NEB: variants seen among roughly 807,000 people sequenced by gnomAD.
NEB encodes the protein nebulin, also known as nemaline myopathy type 2.
NEB carries 512 observed loss-of-function variants against 952.2 expected under a neutral mutation model. The ratio of observed to expected loss-of-function variants is 0.54; its 90% CI spans 0.50 to 0.58. NEB has a LOEUF of 0.58. NEB is among the 20% of genes least tolerant of loss of function. The pLI is 0.00. For synonymous variants in NEB, 2,900 were observed against 3,149.8 expected, an observed-to-expected ratio of 0.92 and a Z score of 2.66; for missense variants, 8,428 against 9,231.1, an observed-to-expected ratio of 0.91 and a Z score of 3.56.
chr2:151,535,860 G>T, intron 141 of NEB, 65 bp from the exon 142 acceptor site: 1 of 823,998 alleles, frequency 1.2e-6, no homozygotes, highest in Non-Finnish European at 1.9e-6. Context: ...GAGACATGCT[G>T]TTTATCATAT....
chr2:151,568,480 C>A (rs1373824422), intron 111 of NEB, 63 bp from the exon 112 acceptor site: 3 of 1,511,444 alleles, frequency 2.0e-6, no homozygotes, highest in Non-Finnish European at 1.8e-6. Context: ...TCATGTTGTC[C>A]AAGCAATTGT....
intron 18 of NEB, among the ~76,000 whole-genome samples, chr2:151,695,288 T>C (rs1485713100): frequency 6.6e-6 from 1 of 152,138 alleles, no homozygotes; most frequent in East Asian, 1.9e-4. Context: ...GGCTAAAAGA[T>C]CTACCATTAA....
Position 151,518,313 on chromosome 2 carries a change from C to T in NEB, c.22800+5G>A. On this transcript the variant is annotated splice_donor_5th_base_variant and intron_variant, in intron 156 of 181. Coordinates refer to ENST00000397345, the MANE Select transcript of NEB (RefSeq NM_001164508.2). Reference sequence around the variant, plus strand: ...CAGAGGAAAAATCGGTCTTGATCCACTTACTATACTCTGTAATTCTGTGGC... The same window carrying T: ...CAGAGGAAAAATCGGTCTTGATCCATTTACTATACTCTGTAATTCTGTGGC... 6.3e-7 allele frequency: 1 copy of T among 1,586,904 alleles called. No individual in the cohort carries two copies. The highest frequency in any genetic ancestry group is 8.7e-7 in the Non-Finnish European group (1 of 1,155,310).
At chr2:151,711,166 C>T (rs1014026657) in intron 10 of NEB, among the ~76,000 whole-genome samples, 2 of 152,166 alleles carry the variant, frequency 1.3e-5, no homozygotes, top group South Asian at 4.1e-4. Flanking sequence ...GAACCCAACA[C>T]AAAATGCAGC....
chr2:151,730,523 C>A (rs2099803933), intron 3 of NEB, among the ~76,000 whole-genome samples: 1 of 151,114 alleles, frequency 6.6e-6, no homozygotes, highest in South Asian at 2.1e-4. Flanking sequence ...CTTAGCCTCA[C>A]CCTGCTCTGT....
At chr2:151,534,344 T>TA in intron 142 of NEB, 1 of 1,585,842 alleles carries the variant, frequency 6.3e-7, no homozygotes. Context: ...TAGCATATTA[T>TA]AGCAAGAGTA....
At chr2:151,680,707 A>T (rs1431791622) in intron 30 of NEB, 23 bp downstream of exon 30, 1 of 1,425,542 alleles carries the variant, frequency 7.0e-7, no homozygotes. Flanking sequence ...ATCTATTAAC[A>T]TATAGATAGC....
At chr2:151,631,438 G>C in intron 65 of NEB, 92 bp from the exon 66 acceptor site, 2 of 1,356,602 alleles carry the variant, frequency 1.5e-6, no homozygotes, top group African/African-American at 1.5e-5. Context: ...GTGCAATTCT[G>C]TTTTCTATTC....
intron 71 of NEB, among the ~76,000 whole-genome samples, chr2:151,622,296 T>A (rs1309050235): frequency 6.6e-6 from 1 of 152,210 alleles, no homozygotes; most frequent in Non-Finnish European, 1.5e-5. Flanking sequence ...CCATGTTTGG[T>A]AAAGTTTCGT....
intron 57 of NEB, 127 bp from the exon 58 acceptor site, chr2:151,643,480 A>G (rs1004537166): frequency 2.7e-5 from 23 of 856,322 alleles, no homozygotes; most frequent in Non-Finnish European, 3.7e-5. Flanking sequence ...TAATACTTGA[A>G]TTATTAGAAA....
intron 45 of NEB, among the ~76,000 whole-genome samples, chr2:151,662,684 C>T (rs920495657): frequency 1.3e-5 from 2 of 152,184 alleles, no homozygotes; most frequent in Non-Finnish European, 1.5e-5. Flanking sequence ...AGAAAAGCAA[C>T]TATGCTGACC....
intron 163 of NEB, 130 bp downstream of exon 163, chr2:151,506,779 C>A: frequency 1.5e-6 from 1 of 648,912 alleles, no homozygotes; most frequent in Non-Finnish European, 2.7e-6. Flanking sequence ...GGGATTTTAG[C>A]AAATCACTGC....
intron 36 of NEB, among the ~76,000 whole-genome samples, chr2:151,673,253 T>A (rs998543927): frequency 6.6e-6 from 1 of 152,210 alleles, no homozygotes; most frequent in Non-Finnish European, 1.5e-5. Context: ...AGCAATGTGA[T>A]ATAAATTGGA....
chr2:151,724,283 T>C lies in NEB; in HGVS notation c.589A>G (p.Lys197Glu). The C allele has an allele frequency of 6.2e-7, 1 of 1,613,072 alleles. No individual in the cohort carries two copies. The highest frequency in any genetic ancestry group is 1.1e-5 in the South Asian group (1 of 90,806). The stretch of plus-strand genomic sequence containing the variant: ...ACCTTGCTGAACATGGCGGTGTTCT[T>C]AACGGCCTGGACAAGTTCAGGGGCA... The part of the protein sequence containing the change: ...PDAPELVQAV[K>E]NTAMFSKKLY... Residue 197 changes from lysine to glutamate, a missense_variant, in exon 8 of 182, where the codon AAG (lysine) becomes GAG (glutamate). Around this residue, in one of 11 missense-constraint regions of NEB, gnomAD observed 2,851 missense variants for 2,791.5 expected, o/e 1.02. Coordinates refer to ENST00000397345, the MANE Select transcript of NEB (RefSeq NM_001164508.2).
Position 151,570,092 on chromosome 2 carries a change from G to C in NEB, c.17419C>G (p.Leu5807Val). The C allele has an allele frequency of 6.2e-7, 1 of 1,608,270 alleles. No individual in the cohort carries two copies. The highest frequency in any genetic ancestry group is 8.5e-7 in the Non-Finnish European group (1 of 1,177,310). The change falls in exon 109 of 182, where the codon CTG (leucine) becomes GTG (valine). Residue 5807 changes from leucine to valine, a missense_variant. By Grantham distance (32) the Leu-to-Val change is conservative (BLOSUM62 1). Coordinates refer to ENST00000397345, the MANE Select transcript of NEB (RefSeq NM_001164508.2). ...DVIQAKKAYELQSDNVYKADL... is the reference protein window; with the variant it reads ...DVIQAKKAYEVQSDNVYKADL... ...TGCAGCCCACTCACATCGCTCTGCA[G>C]TTCGTAGGCCTTCTTGGCCTGAATC...
intron 36 of NEB, among the ~76,000 whole-genome samples, 184 bp from the exon 37 acceptor site, chr2:151,672,864 G>A (rs761529061): frequency 6.6e-6 from 1 of 152,184 alleles, no homozygotes; most frequent in Non-Finnish European, 1.5e-5. Flanking sequence ...TGAGTGTCAC[G>A]ATAAATTCAA....
At chr2:151,678,284 T>C (rs559823585) in intron 32 of NEB, 97 bp from the exon 33 acceptor site, 1 of 694,892 alleles carries the variant, frequency 1.4e-6, no homozygotes, top group Admixed American at 3.0e-5. Context: ...TTCCCAAAAA[T>C]TACTGTACTT....
At chr2:151,613,621 T>A (rs1251103950) in intron 77 of NEB, among the ~76,000 whole-genome samples, 2 of 152,196 alleles carry the variant, frequency 1.3e-5, no homozygotes, top group African/African-American at 4.8e-5. Flanking sequence ...TGCATCTTCA[T>A]CCAGATCTCA....
Position 151,724,314 on chromosome 2 carries a change from A to C in NEB, c.558T>G (p.Pro186=). Residue 186 remains proline, a synonymous_variant, in exon 8 of 182, where the codon CCT becomes CCG. Coordinates refer to ENST00000397345, the MANE Select transcript of NEB (RefSeq NM_001164508.2). ...CCTGGACAAGTTCAGGGGCATCAGG[A>C]GGAAGCAGGTACTTATCCTTGGTGT... ...WEDTKDKYLL[P]PDAPELVQAV... The C allele has an allele frequency of 6.2e-7, 1 of 1,613,266 alleles. No homozygotes were observed. The highest frequency in any genetic ancestry group is 8.5e-7 in the Non-Finnish European group (1 of 1,179,634).
Sources: gnomAD v4.1 joint callset for allele counts (sites outside exome capture counted in the v4.1 genomes callset) on GRCh38, gnomAD v4.1.1 for gene constraint, gnomAD v4.1.1 regional missense constraint, MANE v1.5 for transcripts, NCBI Gene and HGNC (gene_info 2026-07-23, HGNC 2026-07-21) for gene names.